AGAP1: variants seen among roughly 807,000 people sequenced by gnomAD.
AGAP1 encodes the protein ArfGAP with GTPase domain, ankyrin repeat and PH domain 1.
Under a neutral mutation model 105.3 loss-of-function variants are expected in AGAP1, and 29 were observed. The observed-to-expected ratio is 0.28, with a 90% CI of 0.21 to 0.38. The LOEUF is 0.38. Ranked by LOEUF, AGAP1 falls within the 10% of genes least tolerant of loss-of-function variation. The probability of loss-of-function intolerance (pLI) is 1.00; values close to 1 mark genes in which losing one functional copy is unlikely to be tolerated. For missense variants in AGAP1, 998 were observed against 1,165.1 expected, an observed-to-expected ratio of 0.86 and a Z score of 2.09; for synonymous variants, 509 against 485.9, an observed-to-expected ratio of 1.05 and a Z score of -0.63.
rs150384179 is a variant in AGAP1 at position 235,527,714 on chromosome 2, C to T, written c.163+32865C>T. 2.5e-3 allele frequency among the ~76,000 whole-genome samples: 379 copies of T among 152,186 alleles called. 2 individuals are homozygous for T. The highest frequency in any genetic ancestry group is 8.4e-3 in the African/African-American group (349 of 41,534). On this transcript the variant is annotated intron_variant, in intron 1 of 17. Transcript: ENST00000304032. ...ACTTTAAACATCTATAATTTGTGTTCGTTGTAGGATTATTCACGGTAGAAA... is the reference window on the plus strand; with the variant it reads ...ACTTTAAACATCTATAATTTGTGTTTGTTGTAGGATTATTCACGGTAGAAA...
chr2:235,728,681 G>A lies in AGAP1; in HGVS notation c.310+11037G>A, dbSNP rs1951780971. 6.6e-6 allele frequency among the ~76,000 whole-genome samples: 1 copy of A among 151,624 alleles called. No homozygotes were observed. Among genetic ancestry groups the A allele is most frequent in the Non-Finnish European group, 1.5e-5 (1 of 68,002 alleles). ...TTTCTGAGCCCCATTTCTTAATGTT[G>A]TATATTTTTTTAAAAATTAACACCA... On this transcript the variant is annotated intron_variant, in intron 3 of 17. Transcript: ENST00000304032. The surrounding 1 kb of genome is among the most constrained non-coding windows in gnomAD (Gnocchi z 4.3).
intron 1 of AGAP1, among the ~76,000 whole-genome samples, chr2:235,649,701 T>C (rs1575040513): frequency 6.6e-6 from 1 of 152,188 alleles, no homozygotes; most frequent in Non-Finnish European, 1.5e-5. Context: ...GCCTCCCAGG[T>C]GGCTGTGCTG....
chr2:235,856,027 C>T (rs1247700135), intron 9 of AGAP1, among the ~76,000 whole-genome samples: 1 of 152,096 alleles, frequency 6.6e-6, no homozygotes, highest in African/African-American at 2.4e-5. Flanking sequence ...GATTCTCCTA[C>T]CTCGGCCTCT....
chr2:235,879,627 A>C lies in AGAP1; in HGVS notation c.1051-3718A>C, dbSNP rs2049910817. 6.6e-6 allele frequency among the ~76,000 whole-genome samples: 1 copy of C among 152,112 alleles called. No individual in the cohort carries two copies. Among genetic ancestry groups the C allele is most frequent in the Admixed American group, 6.5e-5 (1 of 15,270 alleles). On this transcript the variant is annotated intron_variant, in intron 9 of 17. Transcript: ENST00000304032. The surrounding 1 kb of genome is among the most constrained non-coding windows in gnomAD (Gnocchi z 5.0). ...AGTGGCTCACTCCCTGTCATCCAGC[A>C]CTTTCTAAAGACCTAAGCGAGGCAT...
rs2051423531 is a variant in AGAP1, at chr2:235,908,665, ACCCTTTTGTTC to A, written c.1156-72_1156-62del. 1 of 1,398,590 alleles carries A rather than the reference ACCCTTTTGTTC, an allele frequency of 7.2e-7. No homozygotes were observed. The highest frequency in any genetic ancestry group is 9.7e-7 in the Non-Finnish European group (1 of 1,029,366). 86.6% of individuals were successfully genotyped at this position (1,398,590 alleles called of 1,614,324 possible). On this transcript the variant is annotated intron_variant, in intron 10 of 17. Transcript: ENST00000304032. This position sits in a 1 kb window ranked among gnomAD's most constrained non-coding sequence, Gnocchi z 4.4. Reference sequence around the variant, plus strand: ...GGTTTTAACTCATGACGTCTGATAGACCCTTTTGTTCTAGGTTGTAAAAGGTCTTTTTTTTT... The same window carrying A: ...GGTTTTAACTCATGACGTCTGATAGATAGGTTGTAAAAGGTCTTTTTTTTT...
At chr2:235,928,256 C>G (rs11686970) in intron 11 of AGAP1, among the ~76,000 whole-genome samples, 26,491 of 152,196 alleles carry the variant, frequency 0.17, 2,403 homozygotes, top group South Asian at 0.31. Context: ...AGGGAAGCCC[C>G]GGCAGCCACT....
At position 235,983,889 on chromosome 2, in the gene AGAP1, AT is replaced by A. The variant is rs1353431607; in HGVS notation, c.1645+15267del. On this transcript the variant is annotated intron_variant, in intron 13 of 17. Transcript: ENST00000304032. The surrounding 1 kb of genome is among the most constrained non-coding windows in gnomAD (Gnocchi z 4.5). ...CAGAATGCATCACTTAACGATGGGG[AT>A]ACATGGCTGTATGTAACATAAAATT... Among the ~76,000 whole-genome samples the A allele has an allele frequency of 1.3e-5, 2 of 152,206 alleles. No individual in the cohort carries two copies. The highest frequency in any genetic ancestry group is 1.5e-5 in the Non-Finnish European group (1 of 68,036).
In AGAP1 at chr2:236,127,572, A is replaced by G. The variant is rs1048520888; in HGVS notation, c.*3450A>G. On this transcript the variant is annotated 3_prime_UTR_variant, in exon 18 of 18. Coordinates refer to ENST00000304032, the MANE Select transcript of AGAP1 (RefSeq NM_001037131.3). This position sits in a 1 kb window ranked among gnomAD's most constrained non-coding sequence, Gnocchi z 6.6. ...GTTCTCGGCAGTGGCTTTTCAGCAC[A>G]AGGGCCTTGCATTGAAGCTCCCTCT... 1 of 152,196 alleles carries G rather than the reference A, an allele frequency of 6.6e-6. No individual in the cohort carries two copies. The highest frequency in any genetic ancestry group is 1.5e-5 in the Non-Finnish European group (1 of 68,052). The allele number at this position is 152,196 out of a possible 1,614,324, so 9.4% of individuals were successfully genotyped here.
chr2:235,579,547 G>A (rs986886355), intron 1 of AGAP1, among the ~76,000 whole-genome samples: 3 of 151,994 alleles, frequency 2.0e-5, no homozygotes, highest in Non-Finnish European at 2.9e-5. Flanking sequence ...AGGCCTAGGC[G>A]GGCAGATCAC....
chr2:235,876,886 T>C (rs1224019738), intron 9 of AGAP1, among the ~76,000 whole-genome samples: 6 of 151,142 alleles, frequency 4.0e-5, no homozygotes, highest in Non-Finnish European at 7.4e-5. Flanking sequence ...TCACTCTTGT[T>C]GCCCAGTCTG....
intron 1 of AGAP1, among the ~76,000 whole-genome samples, chr2:235,676,606 G>C (rs552350670): frequency 6.6e-6 from 1 of 152,346 alleles, no homozygotes; most frequent in African/African-American, 2.4e-5. Flanking sequence ...CTGTTCCCCA[G>C]ATCCTTATGA....
At chr2:235,715,314 C>T (rs1489748536) in intron 2 of AGAP1, among the ~76,000 whole-genome samples, 4 of 152,180 alleles carry the variant, frequency 2.6e-5, no homozygotes, top group African/African-American at 7.2e-5. Flanking sequence ...GGTGTCTTGG[C>T]CCGTATCCAG....
intron 3 of AGAP1, among the ~76,000 whole-genome samples, chr2:235,717,939 A>G (rs1196094515): frequency 6.6e-6 from 1 of 152,096 alleles, no homozygotes; most frequent in Non-Finnish European, 1.5e-5. Flanking sequence ...CTTCTTATCC[A>G]TTGTTGCTCC....
At chr2:235,937,659 C>G (rs898783858) in intron 12 of AGAP1, among the ~76,000 whole-genome samples, 1 of 152,230 alleles carries the variant, frequency 6.6e-6, no homozygotes, top group Non-Finnish European at 1.5e-5. Context: ...CCCTCTGGCC[C>G]TCGGCGTGTC....
intron 9 of AGAP1, among the ~76,000 whole-genome samples, chr2:235,821,215 G>A (rs1958768277): frequency 6.6e-6 from 1 of 152,156 alleles, no homozygotes; most frequent in Non-Finnish European, 1.5e-5. Flanking sequence ...AGGATGTACA[G>A]CCATTAAAAT....
In AGAP1 at chr2:235,905,914, T is replaced by A. The variant is rs1479665323; in HGVS notation, c.1156-2824T>A. Reference sequence around the variant, plus strand: ...AACAGAGTTAATTCAATAGTAACTTTCTTTCTGTCTTTGGTCTACATCCTC... The same window carrying A: ...AACAGAGTTAATTCAATAGTAACTTACTTTCTGTCTTTGGTCTACATCCTC... On this transcript the variant is annotated intron_variant, in intron 10 of 17. Coordinates refer to ENST00000304032, the MANE Select transcript of AGAP1 (RefSeq NM_001037131.3). The surrounding 1 kb of genome is among the most constrained non-coding windows in gnomAD (Gnocchi z 4.2). Among the ~76,000 whole-genome samples, 1 of 152,240 alleles carries A rather than the reference T, an allele frequency of 6.6e-6. No individual in the cohort carries two copies. The highest frequency in any genetic ancestry group is 1.9e-4 in the East Asian group (1 of 5,200).
At chr2:235,548,647 C>G (rs1180808915) in intron 1 of AGAP1, among the ~76,000 whole-genome samples, 1 of 100,338 alleles carries the variant, frequency 1.0e-5, no homozygotes, top group African/African-American at 3.8e-5. Flanking sequence ...GTGCGAAACT[C>G]CGTCTTCAAA....
chr2:235,901,478 TC>T lies in AGAP1; in HGVS notation c.1156-7256del, dbSNP rs2051061680. On this transcript the variant is annotated intron_variant, in intron 10 of 17. Coordinates refer to ENST00000304032, the MANE Select transcript of AGAP1 (RefSeq NM_001037131.3). The surrounding 1 kb of genome is among the most constrained non-coding windows in gnomAD (Gnocchi z 4.3). ...TTTCCACAGTCCAACCCTTTGCTCC[TC>T]CCCGGTTGTGTACATAAAAGCATAC... 6.6e-6 allele frequency among the ~76,000 whole-genome samples: 1 copy of T among 152,194 alleles called. No homozygotes were observed. The highest frequency in any genetic ancestry group is 6.5e-5 in the Admixed American group (1 of 15,278).
At chr2:235,629,839 G>A (rs951711142) in intron 1 of AGAP1, among the ~76,000 whole-genome samples, 2 of 146,946 alleles carry the variant, frequency 1.4e-5, no homozygotes, top group Non-Finnish European at 3.0e-5. Context: ...ACTCCAGCCT[G>A]GGTGACTGAG....
Sources: gnomAD v4.1 joint callset for allele counts (sites outside exome capture counted in the v4.1 genomes callset) on GRCh38, gnomAD v4.1.1 for gene constraint, Gnocchi (gnomAD v3.1) non-coding constraint, MANE v1.5 for transcripts, NCBI Gene and HGNC (gene_info 2026-07-23, HGNC 2026-07-21) for gene names.